RIPOR3: variants seen among roughly 807,000 people sequenced by gnomAD.
RIPOR3 encodes RIPOR family member 3.
A neutral mutation model predicts 114.3 loss-of-function variants in RIPOR3; 95 were observed. The observed-to-expected ratio is 0.83, with a 90% CI of 0.70 to 0.99. The LOEUF is 0.99. Ranked by LOEUF, RIPOR3 falls within the 50% of genes least tolerant of loss-of-function variation. RIPOR3 has a pLI of 0.00. For missense variants in RIPOR3, 1,252 were observed against 1,266.9 expected, an observed-to-expected ratio of 0.99 and a Z score of 0.18; for synonymous variants, 575 against 543.8, an observed-to-expected ratio of 1.06 and a Z score of -0.80.
chr20:50,647,478 C>CTTTTTT (rs942940961), intron 1 of RIPOR3, among the ~76,000 whole-genome samples: 30 of 100,336 alleles, frequency 3.0e-4, no homozygotes, highest in Non-Finnish European at 4.4e-4. Context: ...GCCTCATTCT[C>CTTTTTT]TTTTTTTTTT....
chr20:50,674,162 G>C (rs990696272), intron 1 of RIPOR3, among the ~76,000 whole-genome samples: 2 of 152,180 alleles, frequency 1.3e-5, no homozygotes, highest in African/African-American at 2.4e-5. Context: ...AAGAGCATAT[G>C]TCTGATGCCT....
Position 50,657,324 on chromosome 20 carries a change from C to A in RIPOR3, c.4-26468G>T, listed in dbSNP as rs548615711. Among the ~76,000 whole-genome samples, 7 of 152,248 alleles carry A rather than the reference C, an allele frequency of 4.6e-5. No individual in the cohort carries two copies. In the South Asian group the frequency reaches 6.2e-4, roughly 14 times the overall value. Reference sequence around the variant, plus strand: ...GGTGGATCACTTGAGGTCAGGAGTTCGAGACCAGCCTGGCCAACATGGCAA... The same window carrying A: ...GGTGGATCACTTGAGGTCAGGAGTTAGAGACCAGCCTGGCCAACATGGCAA... On this transcript the variant is annotated intron_variant, in intron 1 of 21. Coordinates refer to ENST00000327979, the MANE Select transcript of RIPOR3 (RefSeq NM_001290268.2).
In RIPOR3 at chr20:50,595,501, G is replaced by C. The variant is rs367962532; in HGVS notation, c.1918C>G (p.Leu640Val). 2 of 1,613,898 alleles carry C rather than the reference G, an allele frequency of 1.2e-6. No individual in the cohort carries two copies. Among genetic ancestry groups the C allele is most frequent in the Non-Finnish European group, 8.5e-7 (1 of 1,179,916 alleles). ...LQVCKALLQKLASPNLSRLVQ... is the reference protein window; with the variant it reads ...LQVCKALLQKVASPNLSRLVQ... ...AGCCTTGATAAATTAGGGGAGGCCA[G>C]TTTCTGGGAAGCAGCCCAGATGCTC... The change falls in exon 16 of 22, where the codon CTG (leucine) becomes GTG (valine). Residue 640 changes from leucine to valine, a missense_variant. Physicochemically the swap from Leu to Val is conservative, Grantham distance 32. Coordinates refer to ENST00000327979, the MANE Select transcript of RIPOR3 (RefSeq NM_001290268.2).
At chr20:50,684,556 G>A (rs2086954454) in intron 1 of RIPOR3, among the ~76,000 whole-genome samples, 1 of 152,126 alleles carries the variant, frequency 6.6e-6, no homozygotes, top group South Asian at 2.1e-4. Context: ...AACAGAGAAG[G>A]AACTGGATCT....
chr20:50,679,601 CAAAAA>C (rs35946931), intron 1 of RIPOR3, among the ~76,000 whole-genome samples: 53 of 120,608 alleles, frequency 4.4e-4, no homozygotes, highest in East Asian at 1.7e-3. Context: ...ACTAAAAATA[CAAAAA>C]AAAAAAAAAA....
At chr20:50,619,842 A>G in intron 3 of RIPOR3, 144 bp downstream of exon 3, 3 of 1,124,372 alleles carry the variant, frequency 2.7e-6, no homozygotes, top group Non-Finnish European at 3.8e-6. Flanking sequence ...GCACCCTGAC[A>G]TACTTGCTTA....
intron 1 of RIPOR3, among the ~76,000 whole-genome samples, chr20:50,671,425 C>CGT (rs1568953611): frequency 7.6e-5 from 1 of 13,128 alleles, no homozygotes; most frequent in African/African-American, 1.6e-4. Flanking sequence ...TGCACGCGCG[C>CGT]GCGCACACAC....
chr20:50,622,184 CTTT>C (rs1291668979), intron 2 of RIPOR3, among the ~76,000 whole-genome samples: 3 of 139,690 alleles, frequency 2.1e-5, no homozygotes. Flanking sequence ...CATCAGTTCT[CTTT>C]TTTTTTTTTT....
chr20:50,644,862 G>A (rs560706255), intron 1 of RIPOR3, among the ~76,000 whole-genome samples: 12 of 145,532 alleles, frequency 8.2e-5, no homozygotes, highest in Middle Eastern at 3.5e-3. Flanking sequence ...TTTTTGAGAC[G>A]GAGTTTCGCT....
chr20:50,633,954 T>C (rs959265745), intron 1 of RIPOR3, among the ~76,000 whole-genome samples: 1 of 151,246 alleles, frequency 6.6e-6, no homozygotes, highest in African/African-American at 2.4e-5. Context: ...TCTTTCTTTA[T>C]TTCCTTTTCC....
At chr20:50,664,825 G>T (rs928446933) in intron 1 of RIPOR3, among the ~76,000 whole-genome samples, 3 of 152,164 alleles carry the variant, frequency 2.0e-5, no homozygotes, top group African/African-American at 7.2e-5. Flanking sequence ...AACCCGGCTG[G>T]GCACGGTGGC....
rs2083559062 is a variant in RIPOR3, at chr20:50,602,911, C to T, written c.1087-267G>A. ...TGCCCTGTGGGCTGGGCCCCACGTTCCTGCCTCAGGGCCTTTGCACTGACT... is the reference window on the plus strand; with the variant it reads ...TGCCCTGTGGGCTGGGCCCCACGTTTCTGCCTCAGGGCCTTTGCACTGACT... On this transcript the variant is annotated intron_variant, in intron 12 of 21. Coordinates refer to ENST00000327979, the MANE Select transcript of RIPOR3 (RefSeq NM_001290268.2). The surrounding 1 kb of genome is among the most constrained non-coding windows in gnomAD (Gnocchi z 4.3). 6.6e-6 allele frequency among the ~76,000 whole-genome samples: 1 copy of T among 152,234 alleles called. No individual in the cohort carries two copies.
At chr20:50,658,690 G>A (rs1364509325) in intron 1 of RIPOR3, among the ~76,000 whole-genome samples, 2 of 151,934 alleles carry the variant, frequency 1.3e-5, no homozygotes, top group South Asian at 2.1e-4. Context: ...GGGAAACAGA[G>A]CGAGATTCTG....
intron 1 of RIPOR3, among the ~76,000 whole-genome samples, chr20:50,690,112 A>C (rs1229529423): frequency 3.3e-5 from 5 of 152,246 alleles, no homozygotes; most frequent in Admixed American, 6.5e-5. Context: ...CGATAATATT[A>C]ATATGTGATT....
intron 1 of RIPOR3, among the ~76,000 whole-genome samples, chr20:50,637,833 C>T (rs1216404309): frequency 6.6e-6 from 1 of 152,118 alleles, no homozygotes; most frequent in East Asian, 1.9e-4. Context: ...TGAGATCACA[C>T]CGTTGCACTC....
chr20:50,649,690 G>A (rs2426193), intron 1 of RIPOR3, among the ~76,000 whole-genome samples: 5 of 151,894 alleles, frequency 3.3e-5, no homozygotes, highest in Admixed American at 1.3e-4. Flanking sequence ...GGTGAGGTTC[G>A]CTCAGCCCAG....
chr20:50,687,673 A>G (rs1003011820), intron 1 of RIPOR3, among the ~76,000 whole-genome samples: 1 of 152,288 alleles, frequency 6.6e-6, no homozygotes, highest in Middle Eastern at 3.4e-3. Flanking sequence ...AGGCTGAGGT[A>G]GGTGGATCAC....
chr20:50,634,912 A>G (rs2084933140), intron 1 of RIPOR3, among the ~76,000 whole-genome samples: 4 of 152,210 alleles, frequency 2.6e-5, no homozygotes, highest in Admixed American at 6.5e-5. Flanking sequence ...GCATGCCTGT[A>G]GTCCCAGCTA....
intron 16 of RIPOR3, 160 bp downstream of exon 16, chr20:50,595,209 C>T: frequency 3.3e-6 from 3 of 912,540 alleles, no homozygotes; most frequent in Non-Finnish European, 5.0e-6. Flanking sequence ...CCTTACCTCC[C>T]CACAAAGAGT....
Sources: allele counts gnomAD v4.1 joint callset (sites outside exome capture counted in the v4.1 genomes callset), GRCh38; gene constraint gnomAD v4.1.1; non-coding constraint Gnocchi (gnomAD v3.1); transcripts MANE v1.5; gene names NCBI Gene and HGNC (gene_info 2026-07-23, HGNC 2026-07-21).